The following CCDC6 variants were observed in gnomAD, a reference collection of about 807,000 sequenced individuals.
CCDC6 encodes the protein coiled-coil domain-containing protein 6.
A neutral mutation model predicts 56.6 loss-of-function variants in CCDC6; 20 were observed. The observed-to-expected ratio is 0.35, with a 90% CI of 0.25 to 0.51. The LOEUF is 0.51. Among genes scored for constraint, CCDC6 ranks in the 20% least tolerant of loss-of-function variants. CCDC6 has a pLI of 0.95. For missense variants in CCDC6, 367 were observed against 601.1 expected (o/e 0.61, Z 4.07); for synonymous variants, 241 against 234.4 (o/e 1.03, Z -0.26).
rs1024250833 is a variant in CCDC6, at chr10:59,789,233, A to T, written c.*3684T>A. 1.7e-5 allele frequency: 4 copies of T among 231,352 alleles called. No individual in the cohort carries two copies. Among genetic ancestry groups the T allele is most frequent in the African/African-American group, 8.8e-5 (4 of 45,220 alleles). 14.3% of individuals were successfully genotyped at this position (231,352 alleles called of 1,614,324 possible). A position where few individuals can be genotyped will look rare whatever the true frequency, so the allele number is the denominator to read the frequency against. ...GACGGTGCAGACTAAGTCAAGAACT[A>T]AAGTTGTGCAGTAACCCGAGTTAAG... On this transcript the variant is annotated 3_prime_UTR_variant, in exon 9 of 9. Transcript: ENST00000263102.
At chr10:59,826,827 T>C (rs2070792234) in intron 3 of CCDC6, among the ~76,000 whole-genome samples, 1 of 152,096 alleles carries the variant, frequency 6.6e-6, no homozygotes, top group African/African-American at 2.4e-5. Context: ...TCCTGGAAAA[T>C]GGGTAGGGCA....
chr10:59,820,670 C>G (rs571609861), intron 3 of CCDC6, among the ~76,000 whole-genome samples: 1 of 152,184 alleles, frequency 6.6e-6, no homozygotes, highest in South Asian at 2.1e-4. Context: ...ATCTCTTGAG[C>G]CCAGAAGCTT....
intron 6 of CCDC6, among the ~76,000 whole-genome samples, chr10:59,805,910 AAC>A (rs1215054974): frequency 6.6e-6 from 1 of 152,238 alleles, no homozygotes; most frequent in African/African-American, 2.4e-5. Context: ...CCATAATAGA[AAC>A]AGAGTACAGA....
At position 59,878,803 on chromosome 10, in the gene CCDC6, A is replaced by G. The variant is rs1447307920; in HGVS notation, c.304-26101T>C. On this transcript the variant is annotated intron_variant, in intron 1 of 8. Transcript: ENST00000263102. ...TTCAGTGCCTCCATGGGGCATCCCA[A>G]TGAAGTTTTTTTGGATGAAGAGCCC... 2.0e-5 allele frequency among the ~76,000 whole-genome samples: 3 copies of G among 152,302 alleles called. No individual in the cohort carries two copies. The South Asian group carries it at 6.2e-4, about 32-fold the overall frequency.
rs2071547048 is a variant in CCDC6, at chr10:59,906,346, A to T, written c.79T>A (p.Cys27Ser). 2 of 1,598,122 alleles carry T rather than the reference A, an allele frequency of 1.3e-6. No homozygotes were observed. The highest frequency in any genetic ancestry group is 4.5e-5 in the East Asian group (2 of 44,788). ...SSSSAAMQSSCSSTSGGGGGG... is the reference protein window; with the variant it reads ...SSSSAAMQSSSSSTSGGGGGG... Reference sequence around the variant, plus strand: ...CCGCCGCCGCCCGAGGTCGACGAGCAGGACGACTGCATGGCGGCCGAGCTG... The same window carrying T: ...CCGCCGCCGCCCGAGGTCGACGAGCTGGACGACTGCATGGCGGCCGAGCTG... Residue 27 changes from cysteine (C) to serine (S), a missense_variant, in exon 1 of 9, where the codon TGC becomes AGC. This residue lies in a region of CCDC6 where 79 missense variants were observed against 74.9 expected (regional missense o/e 1.05). Transcript: ENST00000263102.
chr10:59,846,361 T>G (rs2070991400), intron 2 of CCDC6, among the ~76,000 whole-genome samples: 1 of 152,226 alleles, frequency 6.6e-6, no homozygotes, highest in African/African-American at 2.4e-5. Context: ...TGTTGCATGA[T>G]ATCCTTCTGA....
intron 1 of CCDC6, among the ~76,000 whole-genome samples, chr10:59,861,466 A>G (rs1484504784): frequency 6.6e-6 from 1 of 151,082 alleles, no homozygotes; most frequent in Non-Finnish European, 1.5e-5. Context: ...ACAAGAATGT[A>G]AAAACAAAAT....
In CCDC6 at chr10:59,863,839, G is replaced by A. The variant is rs563233117; in HGVS notation, c.304-11137C>T. ...ACATAATTCAATAAAACATGAAAAA[G>A]CCCTAACTTTACATCACTATAACAA... On this transcript the variant is annotated intron_variant, in intron 1 of 8. Coordinates refer to ENST00000263102, the MANE Select transcript of CCDC6 (RefSeq NM_005436.5). Among the ~76,000 whole-genome samples the A allele has an allele frequency of 7.2e-5, 11 of 152,180 alleles. No individual in the cohort carries two copies. In the East Asian group the frequency reaches 1.7e-3, roughly 24 times the overall value.
rs138647587 is a variant in CCDC6, at chr10:59,875,331, G to A, written c.304-22629C>T. ...ATCACTAAAATATATTTAAAGTCTG[G>A]TAGAGATCTGCTCATCTAGGGTGGC... is the stretch of plus-strand genomic sequence containing the variant. On this transcript the variant is annotated intron_variant, in intron 1 of 8. Transcript: ENST00000263102. 7.1e-3 allele frequency among the ~76,000 whole-genome samples: 1,080 copies of A among 152,208 alleles called. 8 individuals are homozygous for A. The highest frequency in any genetic ancestry group is 0.025 in the African/African-American group (1,018 of 41,532).
intron 8 of CCDC6, 25 bp from the exon 9 acceptor site, chr10:59,793,136 G>C (rs201846895): frequency 6.2e-7 from 1 of 1,600,160 alleles, no homozygotes; most frequent in Non-Finnish European, 8.6e-7. Flanking sequence ...GGAACAGCAA[G>C]TCAGTCTAGG....
At chr10:59,828,065 T>C (rs920547061) in intron 3 of CCDC6, among the ~76,000 whole-genome samples, 3 of 152,184 alleles carry the variant, frequency 2.0e-5, no homozygotes, top group Non-Finnish European at 4.4e-5. Context: ...CTTTTAATGC[T>C]AGACAAGTAA....
chr10:59,814,998 T>C (rs2070700375), intron 3 of CCDC6, among the ~76,000 whole-genome samples: 1 of 152,210 alleles, frequency 6.6e-6, no homozygotes, highest in Admixed American at 6.5e-5. Flanking sequence ...TGTTTCAGCA[T>C]TTATTCAAGG....
chr10:59,869,389 CAAAAAAA>C (rs1167007522), intron 1 of CCDC6, among the ~76,000 whole-genome samples: 458 of 5,758 alleles, frequency 0.08, no homozygotes, highest in Non-Finnish European at 0.14. Flanking sequence ...CTTGCTCAGG[CAAAAAAA>C]AAAAAAAAAA....
chr10:59,825,616 T>C (rs1033550725), intron 3 of CCDC6, among the ~76,000 whole-genome samples: 8 of 152,196 alleles, frequency 5.3e-5, no homozygotes, highest in Non-Finnish European at 1.0e-4. Flanking sequence ...ACAAAGATTA[T>C]CTGTATAATT....
At chr10:59,840,724 C>T (rs780965077) in intron 2 of CCDC6, among the ~76,000 whole-genome samples, 1 of 152,180 alleles carries the variant, frequency 6.6e-6, no homozygotes, top group Non-Finnish European at 1.5e-5. Context: ...GGTAACTATT[C>T]TTCCAGTCAT....
chr10:59,900,993 G>A (rs529458566), intron 1 of CCDC6, among the ~76,000 whole-genome samples: 8 of 152,276 alleles, frequency 5.3e-5, no homozygotes, highest in African/African-American at 1.7e-4. Flanking sequence ...GGGGGGCAGA[G>A]GTTGCAGTGA....
intron 2 of CCDC6, among the ~76,000 whole-genome samples, chr10:59,844,946 A>G (rs189148471): frequency 8.1e-4 from 123 of 152,358 alleles, no homozygotes; most frequent in Non-Finnish European, 4.0e-4. Flanking sequence ...AGTGGAGGAA[A>G]TAGGAAGGTG....
At chr10:59,873,920 A>T (rs1459467732) in intron 1 of CCDC6, among the ~76,000 whole-genome samples, 1 of 152,224 alleles carries the variant, frequency 6.6e-6, no homozygotes, top group Non-Finnish European at 1.5e-5. Context: ...TCTATATGAG[A>T]ATGAATGTTC....
intron 7 of CCDC6, among the ~76,000 whole-genome samples, chr10:59,803,288 G>T (rs548966162): frequency 6.6e-6 from 1 of 151,884 alleles, no homozygotes; most frequent in Non-Finnish European, 1.5e-5. Flanking sequence ...CACCCTTTGT[G>T]CTAGACTTTA....
Sources: allele counts gnomAD v4.1 joint callset (sites outside exome capture counted in the v4.1 genomes callset), GRCh38; gene constraint gnomAD v4.1.1; regional missense constraint gnomAD v4.1.1; transcripts MANE v1.5; gene names NCBI Gene and HGNC (gene_info 2026-07-23, HGNC 2026-07-21).